The following SPAG16 variants were observed in gnomAD, a reference collection of about 807,000 sequenced individuals.
SPAG16 encodes sperm associated antigen 16.
In SPAG16, 86 loss-of-function variants were observed where a neutral mutation model predicts 80.4. The observed-to-expected ratio is 1.07, with a 90% CI of 0.90 to 1.28. The LOEUF (loss-of-function observed/expected upper bound fraction) is 1.28. Among genes scored for constraint, SPAG16 ranks in the 50% most tolerant of loss-of-function variants. The pLI is 0.00. For synonymous variants in SPAG16, 294 were observed against 265.9 expected, an observed-to-expected ratio of 1.11 and a Z score of -1.03; for missense variants, 870 against 765.3, an observed-to-expected ratio of 1.14 and a Z score of -1.61.
At chr2:213,406,893 A>G (rs938601937) in intron 9 of SPAG16, among the ~76,000 whole-genome samples, 9 of 147,664 alleles carry the variant, frequency 6.1e-5, no homozygotes, top group African/African-American at 2.3e-4. Context: ...ATCAAGACCC[A>G]CCCCAGTGCA....
chr2:213,734,231 A>G (rs1245542121), intron 10 of SPAG16, among the ~76,000 whole-genome samples: 1 of 152,190 alleles, frequency 6.6e-6, no homozygotes, highest in Admixed American at 6.5e-5. Flanking sequence ...CATGAGCAGG[A>G]CCCAGCAAGA....
intron 10 of SPAG16, among the ~76,000 whole-genome samples, chr2:213,639,340 A>T (rs745702449): frequency 6.6e-6 from 1 of 152,100 alleles, no homozygotes; most frequent in Non-Finnish European, 1.5e-5. Flanking sequence ...TATAGGTCCT[A>T]TGAGATTTAT....
intron 10 of SPAG16, among the ~76,000 whole-genome samples, chr2:213,828,904 G>T (rs1342537572): frequency 6.6e-6 from 1 of 152,190 alleles, no homozygotes; most frequent in Non-Finnish European, 1.5e-5. Context: ...TCTCTGTGCT[G>T]AGCTGTCCAC....
chr2:213,740,192 A>G (rs2067481537), intron 10 of SPAG16, among the ~76,000 whole-genome samples: 2 of 152,218 alleles, frequency 1.3e-5, no homozygotes, highest in African/African-American at 4.8e-5. Flanking sequence ...GATAATTTAT[A>G]ATTACAAATT....
rs879630950 is a variant in SPAG16, at chr2:213,906,434, G to A, written c.1215-23526G>A. Among the ~76,000 whole-genome samples the A allele has an allele frequency of 5.9e-5, 9 of 152,100 alleles. No homozygotes were observed. In the South Asian group the frequency reaches 8.3e-4, roughly 14 times the overall value. On this transcript the variant is annotated intron_variant, in intron 11 of 15. Transcript: ENST00000331683. ...AAGAATTAATATTGTTAAAATGGCC[G>A]TAATACCCAAAGTGACCTACAGATT...
intron 10 of SPAG16, among the ~76,000 whole-genome samples, chr2:213,603,554 T>C (rs1310936886): frequency 6.6e-6 from 1 of 152,260 alleles, no homozygotes; most frequent in Non-Finnish European, 1.5e-5. Context: ...TAAAAGAGAT[T>C]TAAAACTTTG....
At chr2:213,342,106 T>TA (rs2064714890) in intron 6 of SPAG16, among the ~76,000 whole-genome samples, 1 of 151,696 alleles carries the variant, frequency 6.6e-6, no homozygotes, top group South Asian at 2.1e-4. Flanking sequence ...CCAAAGTTAG[T>TA]AAAAAAAGGG....
intron 9 of SPAG16, among the ~76,000 whole-genome samples, chr2:213,382,629 G>A (rs2067229368): frequency 6.6e-6 from 1 of 152,146 alleles, no homozygotes; most frequent in Admixed American, 6.5e-5. Flanking sequence ...TATTCAGCAT[G>A]GAGGACAAAA....
At chr2:213,672,711 A>G (rs758185503) in intron 10 of SPAG16, among the ~76,000 whole-genome samples, 3 of 152,120 alleles carry the variant, frequency 2.0e-5, no homozygotes, top group Non-Finnish European at 4.4e-5. Flanking sequence ...TGGGTATCAC[A>G]TTATTGCCTC....
At chr2:213,285,987 C>T in intron 1 of SPAG16, 2 of 1,111,648 alleles carry the variant, frequency 1.8e-6, no homozygotes, top group South Asian at 1.3e-5. Flanking sequence ...TAATTGTTAA[C>T]ATGAGATTGA....
chr2:213,626,671 A>T (rs574746690), intron 10 of SPAG16, among the ~76,000 whole-genome samples: 17 of 108,930 alleles, frequency 1.6e-4, no homozygotes, highest in African/African-American at 5.8e-4. Flanking sequence ...TTTTTTGAAG[A>T]TGGAGTCTCT....
chr2:213,948,897 G>T (rs992818514), intron 12 of SPAG16, among the ~76,000 whole-genome samples: 9 of 151,918 alleles, frequency 5.9e-5, no homozygotes, highest in Non-Finnish European at 1.3e-4. Flanking sequence ...TTTTTTAAAA[G>T]GTATATTTCC....
At chr2:214,302,772 C>A (rs55890854) in intron 15 of SPAG16, among the ~76,000 whole-genome samples, 1 of 152,096 alleles carries the variant, frequency 6.6e-6, no homozygotes, top group Non-Finnish European at 1.5e-5. Context: ...TGTGAGCCAC[C>A]GCGCCTGGCC....
chr2:213,676,511 C>G (rs1372587303), intron 10 of SPAG16, among the ~76,000 whole-genome samples: 2 of 151,758 alleles, frequency 1.3e-5, no homozygotes, highest in Non-Finnish European at 2.9e-5. Flanking sequence ...ATGATATTGG[C>G]TGTGGGTTTG....
At chr2:213,418,117 C>T (rs1255142006) in intron 9 of SPAG16, among the ~76,000 whole-genome samples, 1 of 152,228 alleles carries the variant, frequency 6.6e-6, no homozygotes, top group Non-Finnish European at 1.5e-5. Flanking sequence ...AGGTGATCCA[C>T]CTGCCTCAGC....
chr2:213,947,917 A>C (rs1208429238), intron 12 of SPAG16, among the ~76,000 whole-genome samples: 2 of 151,922 alleles, frequency 1.3e-5, no homozygotes, highest in South Asian at 4.2e-4. Flanking sequence ...AATTGTTTTG[A>C]CTGTTCTATT....
At position 214,345,049 on chromosome 2, in the gene SPAG16, C is replaced by A. The variant is rs183702441; in HGVS notation, c.1721-65091C>A. Among the ~76,000 whole-genome samples the A allele has an allele frequency of 5.7e-4, 87 of 152,146 alleles. 1 individual carries two copies. The Middle Eastern group carries it at 0.01, about 18-fold the overall frequency. ...GCCACACAATATGATGGGAAACAAT[C>A]GTTCTTACCTTTAGTAAACTTAAAG... On this transcript the variant is annotated intron_variant, in intron 15 of 15. Transcript: ENST00000331683.
At chr2:213,423,717 T>C (rs1025116220) in intron 9 of SPAG16, among the ~76,000 whole-genome samples, 3 of 152,102 alleles carry the variant, frequency 2.0e-5, no homozygotes, top group Non-Finnish European at 2.9e-5. Flanking sequence ...AAATAAGATA[T>C]GTTATTCTCA....
intron 14 of SPAG16, among the ~76,000 whole-genome samples, chr2:214,121,543 A>C (rs2054220728): frequency 6.6e-6 from 1 of 151,876 alleles, no homozygotes; most frequent in African/African-American, 2.4e-5. Context: ...CTTTAAAATG[A>C]GTGACAAAAG....
Sources: allele counts gnomAD v4.1 joint callset (sites outside exome capture counted in the v4.1 genomes callset), GRCh38; gene constraint gnomAD v4.1.1; transcripts MANE v1.5; gene names NCBI Gene and HGNC (gene_info 2026-07-23, HGNC 2026-07-21).